Variants in RPH3A observed in about 807,000 individuals in gnomAD.
The protein encoded by RPH3A is rabphilin 3A, also known as rabphilin-3A.
Under a neutral mutation model 102.2 loss-of-function variants are expected in RPH3A, and 48 were observed. That is an observed-to-expected ratio of 0.47 (90% confidence interval 0.37 to 0.60). The LOEUF (loss-of-function observed/expected upper bound fraction) is 0.60, where lower values mean the gene tolerates loss of function less well. RPH3A is among the 20% of genes least tolerant of loss of function. The pLI is 0.00. For synonymous variants in RPH3A, 310 were observed against 324.3 expected, an observed-to-expected ratio of 0.96 and a Z score of 0.47; for missense variants, 781 against 910.1, an observed-to-expected ratio of 0.86 and a Z score of 1.83.
chr12:112,738,109 A>G (rs948673060), intron 1 of RPH3A, among the ~76,000 whole-genome samples: 1 of 151,944 alleles, frequency 6.6e-6, no homozygotes, highest in Non-Finnish European at 1.5e-5. Context: ...CTTTGCCTCA[A>G]ATCTCTGCCT....
At chr12:112,800,519 T>C (rs1180471535) in intron 2 of RPH3A, among the ~76,000 whole-genome samples, 1 of 151,808 alleles carries the variant, frequency 6.6e-6, no homozygotes, top group Non-Finnish European at 1.5e-5. Context: ...TATGCTAGAG[T>C]GATGTGACCT....
At chr12:112,596,833 C>T (rs897278625) in intron 1 of RPH3A, among the ~76,000 whole-genome samples, 5 of 152,170 alleles carry the variant, frequency 3.3e-5, no homozygotes, top group African/African-American at 1.2e-4. Flanking sequence ...ATTAAATCTT[C>T]CAATCCATGG....
intron 1 of RPH3A, among the ~76,000 whole-genome samples, chr12:112,701,241 CA>C (rs1286653779): frequency 2.6e-5 from 4 of 151,812 alleles, no homozygotes; most frequent in African/African-American, 7.3e-5. Flanking sequence ...GAGTTTTGAA[CA>C]GAAAAAGAGG....
rs550446321 is a variant in RPH3A, at chr12:112,642,601, A to C, written c.-140+67282A>C. Among the ~76,000 whole-genome samples the C allele has an allele frequency of 3.3e-5, 5 of 152,216 alleles. No individual in the cohort carries two copies. In the East Asian group the frequency reaches 9.6e-4, roughly 29 times the overall value. The stretch of plus-strand genomic sequence containing the variant: ...GGGTCTTCCTAATTCTAAATTTTTC[A>C]GTTGGCCAGTTGCAATCAGAGTCAA... On this transcript the variant is annotated intron_variant, in intron 1 of 21. Transcript: ENST00000543106.
At chr12:112,671,991 T>C (rs955221247) in intron 1 of RPH3A, among the ~76,000 whole-genome samples, 6 of 151,404 alleles carry the variant, frequency 4.0e-5, no homozygotes, top group Non-Finnish European at 7.4e-5. Context: ...ATTTAGCTAA[T>C]GATTTTTTGA....
At chr12:112,744,088 T>C (rs1031257684) in intron 1 of RPH3A, among the ~76,000 whole-genome samples, 10 of 152,166 alleles carry the variant, frequency 6.6e-5, no homozygotes, top group African/African-American at 1.7e-4. Flanking sequence ...TTCTTTCTTT[T>C]TTTCCAAGAC....
intron 2 of RPH3A, among the ~76,000 whole-genome samples, chr12:112,812,788 T>G (rs2041601966): frequency 1.3e-5 from 2 of 152,216 alleles, no homozygotes; most frequent in African/African-American, 4.8e-5. Flanking sequence ...AATGTGTATG[T>G]GCTACTGTCT....
intron 1 of RPH3A, among the ~76,000 whole-genome samples, chr12:112,742,386 G>A (rs1358393303): frequency 2.0e-5 from 3 of 152,124 alleles, no homozygotes; most frequent in South Asian, 2.1e-4. Context: ...CCACGGCACC[G>A]AGACGGCCAT....
At chr12:112,635,469 T>C (rs944757593) in intron 1 of RPH3A, among the ~76,000 whole-genome samples, 6 of 152,168 alleles carry the variant, frequency 3.9e-5, no homozygotes, top group Non-Finnish European at 7.3e-5. Flanking sequence ...TAGGATTATA[T>C]ACATTTGCTT....
chr12:112,894,422 C>A, intron 19 of RPH3A, 156 bp from the exon 20 acceptor site: 2 of 697,422 alleles, frequency 2.9e-6, no homozygotes, highest in Non-Finnish European at 4.9e-6. Flanking sequence ...TGCCTGGTAC[C>A]AAGCAGATGC....
chr12:112,887,850 C>G lies in RPH3A; in HGVS notation c.1490C>G (p.Thr497Ser). The change falls in exon 17 of 22, where the codon ACC becomes AGC. Residue 497 changes from threonine to serine, a missense_variant. Transcript: ENST00000389385. ...KFGHNEFIGE[T>S]RFSLKKLKPN... ...GGCCACAATGAATTTATTGGTGAGA[C>G]CAGATTCTCCCTCAAGAAACTGAAG... 2 of 1,613,890 alleles carry G rather than the reference C, an allele frequency of 1.2e-6. No individual in the cohort carries two copies. The highest frequency in any genetic ancestry group is 1.7e-6 in the Non-Finnish European group (2 of 1,179,844).
At chr12:112,591,240 C>T (rs989549213) in intron 1 of RPH3A, among the ~76,000 whole-genome samples, 6 of 152,060 alleles carry the variant, frequency 3.9e-5, no homozygotes, top group Admixed American at 6.6e-5. Context: ...TGTGTGCCAC[C>T]ACACCCAGAT....
chr12:112,775,688 A>C (rs1366695008), intron 1 of RPH3A, among the ~76,000 whole-genome samples: 1 of 152,226 alleles, frequency 6.6e-6, no homozygotes, highest in Non-Finnish European at 1.5e-5. Flanking sequence ...AGAAAATACA[A>C]AATCAGATGA....
At chr12:112,891,763 C>T (rs2043099377) in intron 19 of RPH3A, among the ~76,000 whole-genome samples, 1 of 152,198 alleles carries the variant, frequency 6.6e-6, no homozygotes, top group South Asian at 2.1e-4. Context: ...CCTGCCAGGC[C>T]CAGTCATTGG....
chr12:112,847,599 T>A, intron 4 of RPH3A, 97 bp from the exon 5 acceptor site: 2 of 1,323,148 alleles, frequency 1.5e-6, no homozygotes, highest in South Asian at 2.7e-5. Context: ...AGAGAGATGA[T>A]CCTTTTGTCC....
At chr12:112,787,405 C>T (rs1207570782), upstream of RPH3A, among the ~76,000 whole-genome samples, 1 of 152,228 alleles carries the variant, frequency 6.6e-6, no homozygotes, top group Non-Finnish European at 1.5e-5. Context: ...CATTCTCCCC[C>T]TCTTCCTGGC....
At chr12:112,604,890 C>G (rs2039584132) in intron 1 of RPH3A, among the ~76,000 whole-genome samples, 1 of 152,176 alleles carries the variant, frequency 6.6e-6, no homozygotes, top group Admixed American at 6.5e-5. Flanking sequence ...GCTGGCCACC[C>G]CCAGAGTGAG....
At chr12:112,687,923 C>A (rs754542415) in intron 1 of RPH3A, among the ~76,000 whole-genome samples, 2 of 152,184 alleles carry the variant, frequency 1.3e-5, no homozygotes, top group African/African-American at 4.8e-5. Flanking sequence ...AATATCTACT[C>A]CCTTTATATA....
At chr12:112,741,376 T>G (rs1224292291) in intron 1 of RPH3A, among the ~76,000 whole-genome samples, 1 of 152,204 alleles carries the variant, frequency 6.6e-6, no homozygotes, top group Non-Finnish European at 1.5e-5. Flanking sequence ...TAATCTTGTC[T>G]AGTGACCCAT....
Sources: gnomAD v4.1 joint callset for allele counts (sites outside exome capture counted in the v4.1 genomes callset) on GRCh38, gnomAD v4.1.1 for gene constraint, MANE v1.5 for transcripts, NCBI Gene and HGNC (gene_info 2026-07-23, HGNC 2026-07-21) for gene names.